Variants in EDAR observed in about 807,000 individuals in gnomAD.
EDAR encodes tumor necrosis factor receptor superfamily member EDAR.
In EDAR, 38 loss-of-function variants were observed where a neutral mutation model predicts 51.3. The ratio of observed to expected loss-of-function variants is 0.74; its 90% CI spans 0.57 to 0.97. The LOEUF is 0.97. Among genes scored for constraint, EDAR ranks in the 50% least tolerant of loss-of-function variants. The pLI, the probability that EDAR is intolerant of heterozygous loss-of-function variation, is 0.00. For missense variants in EDAR, 528 were observed against 595.0 expected (o/e 0.89, Z 1.17); for synonymous variants, 227 against 242.1 (o/e 0.94, Z 0.58).
rs573344895 is a variant in EDAR at position 108,956,190 on chromosome 2, A to G, written c.-18-25158T>C. On this transcript the variant is annotated intron_variant, in intron 1 of 11. Transcript: ENST00000258443. ...GAACAAGCCATAATTAAATCAACCA[A>G]TCCCCTAATATTTGTCCTTCAGGCT... Among the ~76,000 whole-genome samples, 102 of 152,306 alleles carry G rather than the reference A, an allele frequency of 6.7e-4. 1 individual carries two copies. Among genetic ancestry groups the G allele is most frequent in the Non-Finnish European group, 1.2e-3 (81 of 68,030 alleles).
At chr2:108,924,332 T>G (rs1259582953) in intron 4 of EDAR, among the ~76,000 whole-genome samples, 2 of 152,178 alleles carry the variant, frequency 1.3e-5, no homozygotes, top group East Asian at 3.9e-4. Context: ...CACCACCCTC[T>G]CCTTGGGGCT....
At position 108,932,008 on chromosome 2, in the gene EDAR, C is replaced by T. The variant is rs146201499; in HGVS notation, c.-18-976G>A. Among the ~76,000 whole-genome samples the T allele has an allele frequency of 1.9e-3, 290 of 152,254 alleles. 1 individual carries two copies. The highest frequency in any genetic ancestry group is 6.9e-3 in the African/African-American group (288 of 41,544). ...GACCAGCTGGGCCATGGAACCCAAACTCCCTAAGACCTTTCACCCTCAGAA... is the reference window on the plus strand; with the variant it reads ...GACCAGCTGGGCCATGGAACCCAAATTCCCTAAGACCTTTCACCCTCAGAA... On this transcript the variant is annotated intron_variant, in intron 1 of 11. Transcript: ENST00000258443.
chr2:108,981,341 A>G (rs1253084259), intron 1 of EDAR, among the ~76,000 whole-genome samples: 1 of 152,194 alleles, frequency 6.6e-6, no homozygotes, highest in East Asian at 1.9e-4. Flanking sequence ...CCCCACCAGG[A>G]CCAGTCCACC....
rs1574411238 is a variant in EDAR at position 108,969,520 on chromosome 2, T to C, written c.-19+19440A>G. 3.3e-5 allele frequency among the ~76,000 whole-genome samples: 5 copies of C among 152,368 alleles called. 1 individual carries two copies. Among genetic ancestry groups the C allele is most frequent in the Admixed American group, 3.3e-4 (5 of 15,306 alleles). ...CGAGGACTCAGTGAGGATGTTGGCA[T>C]GAAGCAGACCTTTATATGCTATTCA... is the stretch of plus-strand genomic sequence containing the variant. On this transcript the variant is annotated intron_variant, in intron 1 of 11. Transcript: ENST00000258443.
At chr2:108,906,062 C>A (rs1696797534) in intron 11 of EDAR, among the ~76,000 whole-genome samples, 1 of 147,640 alleles carries the variant, frequency 6.8e-6, no homozygotes, top group Non-Finnish European at 1.5e-5. Flanking sequence ...GGTGCCTGCA[C>A]CAGGCTGTCT....
At chr2:108,970,527 G>A (rs182842040) in intron 1 of EDAR, among the ~76,000 whole-genome samples, 1 of 152,198 alleles carries the variant, frequency 6.6e-6, no homozygotes, top group East Asian at 1.9e-4. Flanking sequence ...GCCTCTGGAC[G>A]GTGCCCAGGG....
Position 108,894,677 on chromosome 2 carries a change from G to C in EDAR, c.*2230C>G, listed in dbSNP as rs1696546271. 1 of 152,478 alleles carries C rather than the reference G, an allele frequency of 6.6e-6. No homozygotes were observed. Among genetic ancestry groups the C allele is most frequent in the Non-Finnish European group, 1.5e-5 (1 of 68,024 alleles). The allele number at this position is 152,478 out of a possible 1,614,324, so 9.4% of individuals were successfully genotyped here. A position where few individuals can be genotyped will look rare whatever the true frequency, so the allele number is the denominator to read the frequency against. On this transcript the variant is annotated 3_prime_UTR_variant, in exon 12 of 12. Transcript: ENST00000258443. Reference sequence around the variant, plus strand: ...ATGGAGTCCCAGCTTTGGTCAGTGAGAATTATTATGATCTCATTGTTCTGA... The same window carrying C: ...ATGGAGTCCCAGCTTTGGTCAGTGACAATTATTATGATCTCATTGTTCTGA...
intron 1 of EDAR, among the ~76,000 whole-genome samples, chr2:108,982,420 AGTCCTTTAAGAACTAGGGACATTGGC>A (rs2104479219): frequency 6.6e-6 from 1 of 152,370 alleles, no homozygotes; most frequent in South Asian, 2.1e-4. Context: ...GCATGCAGCC[AGTCCTTTAAGAACTAGGGACATTGGC>A]GTTTGCCAGT....
chr2:108,918,615 G>A (rs1260277250), intron 5 of EDAR, among the ~76,000 whole-genome samples: 5 of 152,292 alleles, frequency 3.3e-5, no homozygotes, highest in African/African-American at 4.8e-5. Flanking sequence ...CCTACCTCGC[G>A]TGGAGTTCGA....
chr2:108,984,700 C>A (rs1365754187), intron 1 of EDAR, among the ~76,000 whole-genome samples: 1 of 150,920 alleles, frequency 6.6e-6, no homozygotes, highest in African/African-American at 2.5e-5. Context: ...GTTTTTTTTT[C>A]ATGGCGCTGG....
intron 11 of EDAR, among the ~76,000 whole-genome samples, chr2:108,902,872 A>G (rs994893008): frequency 6.6e-6 from 1 of 152,216 alleles, no homozygotes; most frequent in Admixed American, 6.5e-5. Flanking sequence ...CATCATTTAT[A>G]TTCACTGTAG....
chr2:108,949,742 CTTA>C (rs1457931114), intron 1 of EDAR, among the ~76,000 whole-genome samples: 2 of 152,158 alleles, frequency 1.3e-5, no homozygotes, highest in Admixed American at 6.5e-5. Context: ...CATGCATGTC[CTTA>C]TTTCTTCTCA....
chr2:108,933,493 G>T (rs1478487373), intron 1 of EDAR, among the ~76,000 whole-genome samples: 1 of 152,174 alleles, frequency 6.6e-6, no homozygotes, highest in East Asian at 1.9e-4. Flanking sequence ...GTCTTTCCTT[G>T]GGTCTCGGCT....
intron 1 of EDAR, among the ~76,000 whole-genome samples, chr2:108,949,608 T>C (rs1379564242): frequency 6.6e-6 from 1 of 152,148 alleles, no homozygotes; most frequent in African/African-American, 2.4e-5. Flanking sequence ...AAAAATGTGA[T>C]GAGATTTCTC....
In EDAR at chr2:108,910,982, A is replaced by G; in HGVS notation, c.620T>C (p.Met207Thr). 4 of 1,614,154 alleles carry G rather than the reference A, an allele frequency of 2.5e-6. No homozygotes were observed. The highest frequency in any genetic ancestry group is 3.4e-6 in the Non-Finnish European group (4 of 1,180,016). ...GGGCTTTGTCTTCAGGATGTAGAAC[A>G]TGATGATGAGGACGATGGCGATGGC... is the stretch of plus-strand genomic sequence containing the variant. ...IMAIAIVLII[M>T]FYILKTKPSA... Residue 207 changes from methionine to threonine, a missense_variant, in exon 7 of 12, where the codon ATG becomes ACG. Physicochemically the swap from Met to Thr is moderately conservative, Grantham distance 81. Transcript: ENST00000258443.
chr2:108,906,519 A>G, intron 10 of EDAR, 151 bp from the exon 11 acceptor site: 1 of 831,808 alleles, frequency 1.2e-6, no homozygotes, highest in Non-Finnish European at 2.0e-6. Flanking sequence ...GCCCTGACAC[A>G]CAGGGAGGAG....
At chr2:108,897,705 A>C (rs1696626313) in intron 11 of EDAR, among the ~76,000 whole-genome samples, 1 of 152,194 alleles carries the variant, frequency 6.6e-6, no homozygotes, top group Non-Finnish European at 1.5e-5. Context: ...AGTCACTGCC[A>C]ACTCAGTGGT....
intron 1 of EDAR, among the ~76,000 whole-genome samples, chr2:108,981,886 G>A (rs533589022): frequency 6.6e-6 from 1 of 152,316 alleles, no homozygotes; most frequent in Non-Finnish European, 1.5e-5. Context: ...AGATTAAGAC[G>A]GAAACGCTAA....
intron 1 of EDAR, among the ~76,000 whole-genome samples, chr2:108,982,851 T>C (rs1698440611): frequency 6.6e-6 from 1 of 152,170 alleles, no homozygotes; most frequent in Non-Finnish European, 1.5e-5. Flanking sequence ...AACTAGGACA[T>C]TGGCGGGGTT....
Sources: allele counts gnomAD v4.1 joint callset (sites outside exome capture counted in the v4.1 genomes callset), GRCh38; gene constraint gnomAD v4.1.1; transcripts MANE v1.5; gene names NCBI Gene and HGNC (gene_info 2026-07-23, HGNC 2026-07-21).